The following HTR1F variants were observed in gnomAD, a reference collection of about 807,000 sequenced individuals.
HTR1F encodes 5-hydroxytryptamine (serotonin) receptor 1F, G protein-coupled.
Under a neutral mutation model 24.0 loss-of-function variants are expected in HTR1F, and 17 were observed. The observed-to-expected ratio is 0.71, with a 90% CI of 0.48 to 1.06. The LOEUF (loss-of-function observed/expected upper bound fraction) is 1.06, where lower values mean the gene tolerates loss of function less well. Among genes scored for constraint, HTR1F ranks in the 50% least tolerant of loss-of-function variants. The pLI is 0.00. For synonymous variants in HTR1F, 186 were observed against 156.8 expected, an observed-to-expected ratio of 1.19 and a Z score of -1.39; for missense variants, 391 against 427.8, an observed-to-expected ratio of 0.91 and a Z score of 0.76.
At chr3:87,816,134 C>G (rs1017079986) in intron 1 of HTR1F, among the ~76,000 whole-genome samples, 3 of 152,006 alleles carry the variant, frequency 2.0e-5, no homozygotes, top group African/African-American at 7.2e-5. Flanking sequence ...AATTGAGTGG[C>G]TAAATATCAC....
At chr3:87,825,390 C>A (rs1397190330) in intron 2 of HTR1F, among the ~76,000 whole-genome samples, 1 of 152,206 alleles carries the variant, frequency 6.6e-6, no homozygotes, top group Non-Finnish European at 1.5e-5. Flanking sequence ...TCCCTGACTT[C>A]TCTCTCCTAA....
intron 1 of HTR1F, among the ~76,000 whole-genome samples, chr3:87,820,481 C>T (rs1704338954): frequency 6.6e-6 from 1 of 152,084 alleles, no homozygotes; most frequent in South Asian, 2.1e-4. Context: ...CGGCTCATGA[C>T]CCATTTTAAC....
chr3:87,794,328 T>C (rs184639361), intron 1 of HTR1F, among the ~76,000 whole-genome samples: 2 of 152,134 alleles, frequency 1.3e-5, no homozygotes, highest in Non-Finnish European at 2.9e-5. Flanking sequence ...GAAAGAGTCG[T>C]TCATGCTTCC....
chr3:87,831,333 T>A (rs1453596401), intron 2 of HTR1F, among the ~76,000 whole-genome samples: 2 of 9,686 alleles, frequency 2.1e-4, no homozygotes, highest in Admixed American at 1.4e-3. Flanking sequence ...ATTAAGAAAT[T>A]ATTATTATTA....
chr3:87,931,968 C>A lies in HTR1F; in HGVS notation c.-42-58740C>A, dbSNP rs1428393941. Among the ~76,000 whole-genome samples, 3 of 151,990 alleles carry A rather than the reference C, an allele frequency of 2.0e-5. No individual in the cohort carries two copies. The East Asian group carries it at 5.8e-4, about 29-fold the overall frequency. ...AGCCCTTTGTCAGATGAGTGGGTTG[C>A]AAAAATTTTCTCCCATTCTGTAGGT... On this transcript the variant is annotated intron_variant, in intron 2 of 2. Coordinates refer to ENST00000319595, the MANE Select transcript of HTR1F (RefSeq NM_001322209.2).
At chr3:87,959,692 A>G (rs1045517946) in intron 2 of HTR1F, among the ~76,000 whole-genome samples, 6 of 151,798 alleles carry the variant, frequency 4.0e-5, no homozygotes, top group African/African-American at 1.2e-4. Context: ...GGGATAGCTC[A>G]TGCTGTTCTG....
chr3:87,804,049 A>G lies in HTR1F; in HGVS notation c.-160+11207A>G, dbSNP rs1704035092. 5.9e-5 allele frequency among the ~76,000 whole-genome samples: 9 copies of G among 152,258 alleles called. 1 individual carries two copies. The South Asian group carries it at 1.9e-3, about 32-fold the overall frequency. On this transcript the variant is annotated intron_variant, in intron 1 of 2. Coordinates refer to ENST00000319595, the MANE Select transcript of HTR1F (RefSeq NM_001322209.2). ...TTGCTCTTTGACCCTAAGTTATTAG[A>G]GAAAAAAACTGTATCCTCCTTTGAT...
At chr3:87,931,213 A>C (rs1209079793) in intron 2 of HTR1F, among the ~76,000 whole-genome samples, 5 of 150,842 alleles carry the variant, frequency 3.3e-5, no homozygotes, top group Non-Finnish European at 7.4e-5. Flanking sequence ...CCAACCCCAC[A>C]ACAGTCCCCA....
chr3:87,923,017 T>G (rs1346873076), intron 2 of HTR1F, among the ~76,000 whole-genome samples: 1 of 151,820 alleles, frequency 6.6e-6, no homozygotes, highest in Non-Finnish European at 1.5e-5. Flanking sequence ...CAACATTTAT[T>G]AAGACTGTCC....
chr3:87,923,917 G>A (rs575622478), intron 2 of HTR1F, among the ~76,000 whole-genome samples: 1 of 152,040 alleles, frequency 6.6e-6, no homozygotes, highest in East Asian at 1.9e-4. Context: ...GAGGATGTTT[G>A]CATCTCTGTT....
At chr3:87,803,416 C>T (rs1361264220) in intron 1 of HTR1F, among the ~76,000 whole-genome samples, 2 of 152,052 alleles carry the variant, frequency 1.3e-5, no homozygotes, top group Non-Finnish European at 2.9e-5. Context: ...TCTCATTGAA[C>T]ATCATTGCTA....
intron 2 of HTR1F, among the ~76,000 whole-genome samples, chr3:87,946,112 C>T (rs1012406927): frequency 6.6e-6 from 1 of 152,212 alleles, no homozygotes; most frequent in African/African-American, 2.4e-5. Flanking sequence ...AGGCACTTAG[C>T]CATGCAGGAA....
intron 2 of HTR1F, among the ~76,000 whole-genome samples, chr3:87,904,592 A>ATGT (rs944112517): frequency 6.6e-6 from 1 of 152,034 alleles, no homozygotes; most frequent in Non-Finnish European, 1.5e-5. Context: ...CACAACCCAG[A>ATGT]TGTTCTTCAG....
chr3:87,978,890 G>GAGGTAGGAAGGA (rs1250443484), intron 2 of HTR1F, among the ~76,000 whole-genome samples: 23 of 46,182 alleles, frequency 5.0e-4, no homozygotes, highest in African/African-American at 1.6e-3. Context: ...GGGAGGGAGG[G>GAGGTAGGAAGGA]AGGAAGGAAG....
chr3:87,839,000 T>C (rs1161635439), intron 2 of HTR1F, among the ~76,000 whole-genome samples: 1 of 144,658 alleles, frequency 6.9e-6, no homozygotes, highest in Admixed American at 6.8e-5. Context: ...GTTCTTTTTA[T>C]TTATTTATTT....
intron 2 of HTR1F, among the ~76,000 whole-genome samples, chr3:87,928,498 A>G (rs531181347): frequency 1.3e-5 from 2 of 152,272 alleles, no homozygotes; most frequent in South Asian, 4.1e-4. Flanking sequence ...ATGACTATAT[A>G]TTATTTTCTG....
intron 2 of HTR1F, among the ~76,000 whole-genome samples, chr3:87,969,187 C>A (rs1042798560): frequency 2.0e-5 from 3 of 152,248 alleles, no homozygotes; most frequent in African/African-American, 7.2e-5. Context: ...TTGAAGCTCT[C>A]ACACAGATTC....
intron 2 of HTR1F, among the ~76,000 whole-genome samples, chr3:87,964,408 G>A (rs557236995): frequency 2.3e-4 from 35 of 152,066 alleles, no homozygotes; most frequent in African/African-American, 5.6e-4. Context: ...GTTAATCAAC[G>A]TAGTTTGGAG....
chr3:87,833,988 A>T (rs1420605957), intron 2 of HTR1F, among the ~76,000 whole-genome samples: 2 of 152,220 alleles, frequency 1.3e-5, no homozygotes, highest in Non-Finnish European at 2.9e-5. Flanking sequence ...ATCTTCAAAA[A>T]TATATAGATT....
Sources: allele counts gnomAD v4.1 joint callset (sites outside exome capture counted in the v4.1 genomes callset), GRCh38; gene constraint gnomAD v4.1.1; transcripts MANE v1.5; gene names NCBI Gene and HGNC (gene_info 2026-07-23, HGNC 2026-07-21).